The following BMPR1B variants were observed in gnomAD, a reference collection of about 807,000 sequenced individuals.
BMPR1B encodes the protein bone morphogenetic protein receptor type-1B.
A neutral mutation model predicts 59.1 loss-of-function variants in BMPR1B; 12 were observed. That is an observed-to-expected ratio of 0.20 (90% CI 0.13 to 0.33). BMPR1B has a LOEUF of 0.33. Ranked by LOEUF, BMPR1B falls within the 10% of genes least tolerant of loss-of-function variation. BMPR1B has a pLI of 1.00. For missense variants in BMPR1B, 550 were observed against 610.9 expected (o/e 0.90, Z 1.05); for synonymous variants, 237 against 207.3 (o/e 1.14, Z -1.23).
intron 1 of BMPR1B, among the ~76,000 whole-genome samples, chr4:94,858,850 C>T (rs1407362157): frequency 6.6e-6 from 1 of 152,214 alleles, no homozygotes; most frequent in East Asian, 1.9e-4. Flanking sequence ...CCTATCTCCT[C>T]AGTCTTTCAC....
intron 1 of BMPR1B, among the ~76,000 whole-genome samples, chr4:94,781,160 C>T (rs1722575330): frequency 6.6e-6 from 1 of 152,064 alleles, no homozygotes. Flanking sequence ...TAGTCCATTT[C>T]AAGAAATTGA....
At chr4:94,897,673 T>A (rs1727637390) in intron 2 of BMPR1B, among the ~76,000 whole-genome samples, 1 of 152,032 alleles carries the variant, frequency 6.6e-6, no homozygotes, top group African/African-American at 2.4e-5. Context: ...TTGGTCCAGA[T>A]TTTTTGTAAA....
chr4:94,826,429 G>T (rs1401737593), intron 1 of BMPR1B, among the ~76,000 whole-genome samples: 1 of 152,090 alleles, frequency 6.6e-6, no homozygotes, highest in Non-Finnish European at 1.5e-5. Flanking sequence ...TGCTCCCTTT[G>T]TTCTCTTTTG....
In BMPR1B at chr4:94,900,788, A is replaced by G. The variant is rs1727780227; in HGVS notation, c.-113+24888A>G. Among the ~76,000 whole-genome samples, 5 of 151,930 alleles carry G rather than the reference A, an allele frequency of 3.3e-5. No individual in the cohort carries two copies. In the South Asian group the frequency reaches 1.0e-3, roughly 32 times the overall value. On this transcript the variant is annotated intron_variant, in intron 2 of 12. Coordinates refer to ENST00000515059, the MANE Select transcript of BMPR1B (RefSeq NM_001203.3). ...ATCTTGGGAACCCAAATAACTTACC[A>G]AAAAAGGGTATACTTCTAGATGTTT...
At chr4:94,850,531 C>T (rs989214472) in intron 1 of BMPR1B, among the ~76,000 whole-genome samples, 4 of 152,154 alleles carry the variant, frequency 2.6e-5, no homozygotes, top group Non-Finnish European at 4.4e-5. Flanking sequence ...TATTGGTAAT[C>T]GTACTGTGAT....
rs141600852 is a variant in BMPR1B, at chr4:95,054,236, A to G, written c.-17-50172A>G. 6.2e-3 allele frequency among the ~76,000 whole-genome samples: 937 copies of G among 152,322 alleles called. 6 individuals are homozygous for G. The highest frequency in any genetic ancestry group is 8.9e-3 in the Non-Finnish European group (605 of 68,010). ...CACCTCAAGTGGCACAAAGCTCTGC[A>G]AAGTCACAATAAGTGGAAAGAAGAA... On this transcript the variant is annotated intron_variant, in intron 3 of 12. Coordinates refer to ENST00000515059, the MANE Select transcript of BMPR1B (RefSeq NM_001203.3).
At chr4:94,758,460 GGAGGGATGGGGCGGGAGGGCGAGCT>G (rs1257142615) in intron 1 of BMPR1B, among the ~76,000 whole-genome samples, 1 of 151,996 alleles carries the variant, frequency 6.6e-6, no homozygotes, top group Non-Finnish European at 1.5e-5. Context: ...ACCTGCGAGC[GGAGGGATGGGGCGGGAGGGCGAGCT>G]GAGGGCAGTC....
intron 1 of BMPR1B, among the ~76,000 whole-genome samples, chr4:94,786,229 T>G (rs541807989): frequency 2.6e-5 from 4 of 152,356 alleles, no homozygotes; most frequent in Non-Finnish European, 4.4e-5. Flanking sequence ...TACTTACCCC[T>G]GTGTGATTTG....
chr4:95,010,920 T>G (rs1560594189), intron 3 of BMPR1B, among the ~76,000 whole-genome samples: 1 of 152,178 alleles, frequency 6.6e-6, no homozygotes, highest in African/African-American at 2.4e-5. Context: ...GATATGTGCC[T>G]TATATTATTT....
intron 2 of BMPR1B, among the ~76,000 whole-genome samples, chr4:94,941,275 CA>C (rs1729499721): frequency 7.1e-6 from 1 of 141,110 alleles, no homozygotes; most frequent in Non-Finnish European, 1.6e-5. Context: ...ACTAAAAATA[CA>C]AAAAAATTAG....
At chr4:94,869,186 T>C (rs1726382452) in intron 1 of BMPR1B, among the ~76,000 whole-genome samples, 1 of 152,134 alleles carries the variant, frequency 6.6e-6, no homozygotes, top group African/African-American at 2.4e-5. Context: ...TGTCAGATAA[T>C]TTCTGATTTT....
intron 2 of BMPR1B, among the ~76,000 whole-genome samples, chr4:94,892,200 G>C (rs1727425438): frequency 6.6e-6 from 1 of 152,042 alleles, no homozygotes; most frequent in Non-Finnish European, 1.5e-5. Context: ...ACCAAGTCTG[G>C]AATGTGTTGT....
chr4:95,118,065 AG>A (rs1176062783), intron 6 of BMPR1B, among the ~76,000 whole-genome samples: 2 of 152,162 alleles, frequency 1.3e-5, no homozygotes, highest in African/African-American at 4.8e-5. Context: ...GGTGGGGTTT[AG>A]TAGCATTAGA....
At chr4:95,125,217 A>G (rs1474420948) in intron 8 of BMPR1B, 96 bp downstream of exon 8, 1 of 1,494,574 alleles carries the variant, frequency 6.7e-7, no homozygotes, top group Non-Finnish European at 9.2e-7. Flanking sequence ...GGCACTGGAC[A>G]AGGAGAAAGC....
chr4:95,023,522 CA>C (rs1460026662), intron 3 of BMPR1B, among the ~76,000 whole-genome samples: 1 of 150,734 alleles, frequency 6.6e-6, no homozygotes, highest in Non-Finnish European at 1.5e-5. Context: ...ACTGGGACCA[CA>C]AGCATGTGCC....
At chr4:95,006,712 TG>T (rs1243964300) in intron 3 of BMPR1B, among the ~76,000 whole-genome samples, 1 of 151,834 alleles carries the variant, frequency 6.6e-6, no homozygotes, top group Non-Finnish European at 1.5e-5. Flanking sequence ...GCTAATTTTT[TG>T]TATCTTTAGT....
chr4:94,867,444 A>G (rs908058044), intron 1 of BMPR1B, among the ~76,000 whole-genome samples: 1 of 152,224 alleles, frequency 6.6e-6, no homozygotes, highest in Non-Finnish European at 1.5e-5. Context: ...AAATCTAGCA[A>G]TAGATCATTA....
intron 1 of BMPR1B, among the ~76,000 whole-genome samples, chr4:94,863,309 C>T (rs1045556390): frequency 3.3e-5 from 5 of 151,548 alleles, no homozygotes; most frequent in Non-Finnish European, 7.4e-5. Context: ...CAAACCTGCA[C>T]GTGTACCCCT....
chr4:94,758,087 G>A lies in BMPR1B; in HGVS notation c.-183+19G>A, dbSNP rs1044306456. On this transcript the variant is annotated intron_variant, in intron 1 of 12. Transcript: ENST00000515059. ...GCCGCGGGTAAGGCGCGCGCGGCGG[G>A]GCCCCGTCCCCTGCGGGTGGCCGAG... 12 of 148,628 alleles carry A rather than the reference G, an allele frequency of 8.1e-5. No individual in the cohort carries two copies. Among genetic ancestry groups the A allele is most frequent in the African/African-American group, 2.9e-4 (12 of 41,080 alleles). The allele number at this position is 148,628 out of a possible 1,614,324, so 9.2% of individuals were successfully genotyped here.
Sources: gnomAD v4.1 joint callset for allele counts (sites outside exome capture counted in the v4.1 genomes callset) on GRCh38, gnomAD v4.1.1 for gene constraint, MANE v1.5 for transcripts, NCBI Gene and HGNC (gene_info 2026-07-23, HGNC 2026-07-21) for gene names.